Variants in JPH3 observed in about 807,000 individuals in gnomAD.
JPH3 encodes the protein junctophilin 3.
Under a neutral mutation model 59.6 loss-of-function variants are expected in JPH3, and 11 were observed. The observed-to-expected ratio is 0.18, with a 90% CI of 0.12 to 0.31. JPH3 has a LOEUF of 0.31. Among genes scored for constraint, JPH3 ranks in the 10% least tolerant of loss-of-function variants. The probability of loss-of-function intolerance (pLI) is 1.00; values close to 1 mark genes in which losing one functional copy is unlikely to be tolerated. For synonymous variants in JPH3, 673 were observed against 483.6 expected, an observed-to-expected ratio of 1.39 and a Z score of -5.14; for missense variants, 1,202 against 1,105.7, an observed-to-expected ratio of 1.09 and a Z score of -1.24.
intron 4 of JPH3, among the ~76,000 whole-genome samples, chr16:87,693,081 C>T (rs1567618236): frequency 6.6e-6 from 1 of 152,268 alleles, no homozygotes; most frequent in Admixed American, 6.5e-5. Context: ...CCAAGACTCA[C>T]AATACACCTG....
chr16:87,687,006 C>T (rs951578179), intron 3 of JPH3, among the ~76,000 whole-genome samples: 1 of 152,182 alleles, frequency 6.6e-6, no homozygotes, highest in African/African-American at 2.4e-5. Context: ...GCCCCGGAGC[C>T]TTCTCTGAGC....
At chr16:87,659,550 C>T (rs1005971964) in intron 2 of JPH3, among the ~76,000 whole-genome samples, 6 of 151,934 alleles carry the variant, frequency 3.9e-5, no homozygotes, top group Non-Finnish European at 7.4e-5. Flanking sequence ...TGGTGAAATT[C>T]CATCTCTACT....
intron 2 of JPH3, among the ~76,000 whole-genome samples, chr16:87,665,189 C>T (rs942520277): frequency 6.6e-6 from 1 of 152,114 alleles, no homozygotes; most frequent in Admixed American, 6.5e-5. Flanking sequence ...CTAGAACCTT[C>T]TCCCCAGGGT....
intron 3 of JPH3, among the ~76,000 whole-genome samples, chr16:87,687,591 C>T (rs931182124): frequency 1.3e-5 from 2 of 152,172 alleles, no homozygotes; most frequent in Admixed American, 6.5e-5. Context: ...GAGGACTGAG[C>T]GTCGGAGGCT....
Position 87,690,113 on chromosome 16 carries a change from A to G in JPH3, c.1753A>G (p.Thr585Ala). Residue 585 changes from threonine (T) to alanine (A), a missense_variant, in exon 4 of 5, where the codon ACT becomes GCT. By Grantham distance (58) the Thr-to-Ala change is moderately conservative. Transcript: ENST00000284262. ...RTESPPVFTWTSHHRASNHSP... is the reference protein window; with the variant it reads ...RTESPPVFTWASHHRASNHSP... Reference sequence around the variant, plus strand: ...GGAGTCACCCCCCGTGTTCACGTGGACTTCCCACCACCGGGCCAGCAACCA... The same window carrying G: ...GGAGTCACCCCCCGTGTTCACGTGGGCTTCCCACCACCGGGCCAGCAACCA... 1 of 1,580,596 alleles carries G rather than the reference A, an allele frequency of 6.3e-7. No individual in the cohort carries two copies. The highest frequency in any genetic ancestry group is 8.6e-7 in the Non-Finnish European group (1 of 1,163,538).
chr16:87,626,737 G>A (rs1024605123), intron 1 of JPH3, among the ~76,000 whole-genome samples: 4 of 152,258 alleles, frequency 2.6e-5, no homozygotes, highest in Non-Finnish European at 5.9e-5. Flanking sequence ...GATGTTCCAA[G>A]GGGAAGTGGC....
intron 2 of JPH3, among the ~76,000 whole-genome samples, chr16:87,652,928 G>A (rs1034866127): frequency 9.2e-5 from 14 of 152,216 alleles, no homozygotes; most frequent in Admixed American, 2.6e-4. Flanking sequence ...TGGTGGCTGC[G>A]TTGAGAATCT....
At chr16:87,604,652 C>G (rs56288080) in intron 1 of JPH3, 3 of 1,163,788 alleles carry the variant, frequency 2.6e-6, no homozygotes, top group African/African-American at 3.2e-5. Context: ...CCTCCCCGCC[C>G]GCTCGCTGCC....
intron 4 of JPH3, among the ~76,000 whole-genome samples, chr16:87,691,630 G>C (rs1189281174): frequency 6.6e-6 from 1 of 152,150 alleles, no homozygotes; most frequent in African/African-American, 2.4e-5. Context: ...GTCACCGCGT[G>C]ACACCCCTTT....
At chr16:87,636,612 C>A (rs892660220) in intron 1 of JPH3, among the ~76,000 whole-genome samples, 3 of 152,222 alleles carry the variant, frequency 2.0e-5, no homozygotes, top group Admixed American at 6.5e-5. Context: ...GCTACGCAGG[C>A]AGTCACGGCA....
intron 1 of JPH3, among the ~76,000 whole-genome samples, chr16:87,621,337 T>C (rs1050303454): frequency 6.6e-6 from 1 of 151,728 alleles, no homozygotes; most frequent in Admixed American, 6.6e-5. Context: ...ATAGACGGAG[T>C]CCGGGGGAGG....
intron 1 of JPH3, chr16:87,604,626 G>C (rs1036215103): frequency 3.3e-6 from 4 of 1,196,558 alleles, no homozygotes; most frequent in African/African-American, 1.6e-5. Flanking sequence ...AATCCTGAGC[G>C]TACGTGTGCT....
rs932082576 is a variant in JPH3, at chr16:87,696,168, G to A, written c.2167-412G>A. 27 of 455,790 alleles carry A rather than the reference G, an allele frequency of 5.9e-5. No individual in the cohort carries two copies. In the Admixed American group the frequency reaches 6.4e-4, roughly 11 times the overall value. The allele number at this position is 455,790 out of a possible 1,614,324, so 28.2% of individuals were successfully genotyped here. A position where few individuals can be genotyped will look rare whatever the true frequency, so the allele number is the denominator to read the frequency against. ...TGACACTGGCCATGGCAGCCATGCG[G>A]GCCCTTCTGAGATTCTGAGGTCCCA... On this transcript the variant is annotated intron_variant, in intron 4 of 4. Coordinates refer to ENST00000284262, the MANE Select transcript of JPH3 (RefSeq NM_020655.4).
chr16:87,694,215 T>G (rs2033707042), intron 4 of JPH3: 1 of 152,274 alleles, frequency 6.6e-6, no homozygotes, highest in African/African-American at 2.4e-5. Flanking sequence ...GGTGGCGGGC[T>G]GGGAAGGGGC....
chr16:87,650,589 T>C (rs2032297494), intron 2 of JPH3, among the ~76,000 whole-genome samples: 1 of 152,154 alleles, frequency 6.6e-6, no homozygotes, highest in South Asian at 2.1e-4. Flanking sequence ...GTTTTGAATG[T>C]AAAGGAAAAG....
At chr16:87,623,304 C>T (rs907315338) in intron 1 of JPH3, among the ~76,000 whole-genome samples, 1 of 152,220 alleles carries the variant, frequency 6.6e-6, no homozygotes, top group Admixed American at 6.5e-5. Context: ...CGAGGGTGGA[C>T]ACTGATGTCC....
chr16:87,673,542 G>A (rs1486197561), intron 2 of JPH3, among the ~76,000 whole-genome samples: 1 of 152,188 alleles, frequency 6.6e-6, no homozygotes, highest in African/African-American at 2.4e-5. Flanking sequence ...ATACAAGGTT[G>A]TTATTAGACT....
Position 87,603,449 on chromosome 16 carries a change from G to C in JPH3, c.303G>C (p.Ala101=). 1 of 1,565,164 alleles carries C rather than the reference G, an allele frequency of 6.4e-7. No individual in the cohort carries two copies. Among genetic ancestry groups the C allele is most frequent in the South Asian group, 1.2e-5 (1 of 85,560 alleles). ...GGCGCTACGGGGTGCGGGAGTGCGC[G>C]GGCAACGGGGCCAAATACGAAGGGA... ...FKGRYGVREC[A]GNGAKYEGTW... Residue 101 remains alanine (A), a synonymous_variant, in exon 1 of 5, where the codon GCG becomes GCC. Coordinates refer to ENST00000284262, the MANE Select transcript of JPH3 (RefSeq NM_020655.4).
chr16:87,685,768 G>T (rs1200732820), intron 3 of JPH3, among the ~76,000 whole-genome samples: 1 of 152,236 alleles, frequency 6.6e-6, no homozygotes, highest in Non-Finnish European at 1.5e-5. Context: ...ACTGCCTGCG[G>T]CCTGTTTTGT....
Sources: allele counts gnomAD v4.1 joint callset (sites outside exome capture counted in the v4.1 genomes callset), GRCh38; gene constraint gnomAD v4.1.1; transcripts MANE v1.5; gene names NCBI Gene and HGNC (gene_info 2026-07-23, HGNC 2026-07-21).